Variants in MAP7 observed in about 807,000 individuals in gnomAD.
MAP7 encodes the protein ensconsin.
Under a neutral mutation model 94.8 loss-of-function variants are expected in MAP7, and 52 were observed. The observed-to-expected ratio is 0.55, with a 90% CI of 0.44 to 0.69. The LOEUF (loss-of-function observed/expected upper bound fraction) is 0.69, where lower values mean the gene tolerates loss of function less well. MAP7 is among the 30% of genes least tolerant of loss of function. The pLI is 0.00. For synonymous variants in MAP7, 350 were observed against 357.0 expected (o/e 0.98, Z 0.22); for missense variants, 940 against 964.6 (o/e 0.97, Z 0.34).
intron 2 of MAP7, among the ~76,000 whole-genome samples, chr6:136,412,544 C>T (rs1392205088): frequency 6.6e-6 from 1 of 152,056 alleles, no homozygotes; most frequent in Admixed American, 6.5e-5. Context: ...TTAGATGGAG[C>T]CCAAGGAAGG....
Position 136,374,450 on chromosome 6 carries a change from C to T in MAP7, c.752-1825G>A, listed in dbSNP as rs1460400926. Among the ~76,000 whole-genome samples, 6 of 152,324 alleles carry T rather than the reference C, an allele frequency of 3.9e-5. No individual in the cohort carries two copies. The East Asian group carries it at 7.7e-4, about 20-fold the overall frequency. Reference sequence around the variant, plus strand: ...ATTAATAACCGGGGGCAGAGGCACGCACTGCTCAGGGCACAGCCGGAGGCC... The same window carrying T: ...ATTAATAACCGGGGGCAGAGGCACGTACTGCTCAGGGCACAGCCGGAGGCC... On this transcript the variant is annotated intron_variant, in intron 7 of 17. Coordinates refer to ENST00000354570, the MANE Select transcript of MAP7 (RefSeq NM_003980.6).
chr6:136,415,577 G>A (rs1052863500), intron 2 of MAP7, among the ~76,000 whole-genome samples: 1 of 152,156 alleles, frequency 6.6e-6, no homozygotes. Flanking sequence ...ATTGTGCAAC[G>A]TAATGCTTCC....
chr6:136,464,671 A>G (rs1018680437), intron 1 of MAP7, among the ~76,000 whole-genome samples: 1 of 152,262 alleles, frequency 6.6e-6, no homozygotes, highest in African/African-American at 2.4e-5. Flanking sequence ...GATTTTATAT[A>G]AAACCATATC....
At chr6:136,515,634 G>C (rs563692953) in intron 1 of MAP7, among the ~76,000 whole-genome samples, 2 of 152,338 alleles carry the variant, frequency 1.3e-5, no homozygotes, top group South Asian at 4.1e-4. Flanking sequence ...GAGAGGGAGA[G>C]AGACAGAAAT....
chr6:136,367,885 T>TG (rs1794721088), intron 8 of MAP7, among the ~76,000 whole-genome samples: 1 of 151,090 alleles, frequency 6.6e-6, no homozygotes, highest in Non-Finnish European at 1.5e-5. Flanking sequence ...GCCCTTCTTT[T>TG]TTTTTCTTTT....
intron 16 of MAP7, among the ~76,000 whole-genome samples, chr6:136,348,409 C>T (rs1406851538): frequency 6.6e-6 from 1 of 152,142 alleles, no homozygotes; most frequent in Non-Finnish European, 1.5e-5. Flanking sequence ...GTTCAGGGGA[C>T]ATCGGGACTG....
At chr6:136,404,340 A>C (rs1419168475) in intron 3 of MAP7, among the ~76,000 whole-genome samples, 1 of 152,090 alleles carries the variant, frequency 6.6e-6, no homozygotes, top group Non-Finnish European at 1.5e-5. Context: ...AAAAAAAAAG[A>C]AGCACAGCAA....
intron 3 of MAP7, among the ~76,000 whole-genome samples, chr6:136,392,611 G>A (rs7747443): frequency 0.74 from 112,773 of 151,904 alleles, 42,889 homozygotes; most frequent in Middle Eastern, 0.85. Context: ...ATGTGCTGTC[G>A]TAAATCCCTA....
At chr6:136,390,470 T>C (rs1780387227) in intron 3 of MAP7, among the ~76,000 whole-genome samples, 1 of 152,080 alleles carries the variant, frequency 6.6e-6, no homozygotes, top group African/African-American at 2.4e-5. Flanking sequence ...CTGGCCAACA[T>C]AGTGAAACAA....
chr6:136,363,324 T>C lies in MAP7; in HGVS notation c.1274-622A>G, dbSNP rs893681523. Among the ~76,000 whole-genome samples, 6 of 152,358 alleles carry C rather than the reference T, an allele frequency of 3.9e-5. 1 individual carries two copies. The South Asian group carries it at 1.0e-3, about 26-fold the overall frequency. Reference sequence around the variant, plus strand: ...CTGGCCTTACTCGGATTTAGGAAGATGACCTAGAGAGCTGGTGCCCCAGAA... The same window carrying C: ...CTGGCCTTACTCGGATTTAGGAAGACGACCTAGAGAGCTGGTGCCCCAGAA... On this transcript the variant is annotated intron_variant, in intron 10 of 17. Transcript: ENST00000354570.
Position 136,464,661 on chromosome 6 carries a change from G to A in MAP7, c.68-42862C>T, listed in dbSNP as rs531526603. On this transcript the variant is annotated intron_variant, in intron 1 of 17. Coordinates refer to ENST00000354570, the MANE Select transcript of MAP7 (RefSeq NM_003980.6). ...CATGTTCCACTGCAGTGAGACTCCT[G>A]ATTTTATATAAAACCATATCTTTTT... Among the ~76,000 whole-genome samples the A allele has an allele frequency of 1.4e-4, 21 of 152,302 alleles. No homozygotes were observed. The East Asian group carries it at 1.9e-3, about 14-fold the overall frequency.
intron 2 of MAP7, among the ~76,000 whole-genome samples, chr6:136,421,239 C>T (rs1329215162): frequency 6.6e-6 from 1 of 152,186 alleles, no homozygotes; most frequent in Non-Finnish European, 1.5e-5. Context: ...TCTATACAAG[C>T]TTTGCTATGT....
At chr6:136,406,323 T>C (rs1004666087) in intron 3 of MAP7, among the ~76,000 whole-genome samples, 2 of 152,206 alleles carry the variant, frequency 1.3e-5, no homozygotes, top group African/African-American at 4.8e-5. Context: ...ATAGCACCTA[T>C]GCATCTTATG....
chr6:136,472,667 G>A (rs1809434250), intron 1 of MAP7, among the ~76,000 whole-genome samples: 1 of 152,042 alleles, frequency 6.6e-6, no homozygotes, highest in East Asian at 1.9e-4. Context: ...AAGGAAAAAA[G>A]TCAAGTCTAA....
chr6:136,354,615 T>C (rs940312707), intron 16 of MAP7, among the ~76,000 whole-genome samples: 1 of 151,680 alleles, frequency 6.6e-6, no homozygotes, highest in African/African-American at 2.4e-5. Flanking sequence ...CAGGTGAAAG[T>C]AGAAAAAGGC....
chr6:136,372,027 AG>A (rs1274510487), intron 8 of MAP7, among the ~76,000 whole-genome samples: 1 of 152,220 alleles, frequency 6.6e-6, no homozygotes, highest in African/African-American at 2.4e-5. Context: ...GGGCCTTGAC[AG>A]GGATTAGCCA....
chr6:136,360,639 C>A, intron 13 of MAP7, 58 bp downstream of exon 13: 1 of 1,494,742 alleles, frequency 6.7e-7, no homozygotes, highest in Non-Finnish European at 9.3e-7. Flanking sequence ...CAGGGCTAGT[C>A]TCTGGGTCTT....
At chr6:136,516,603 TGGC>T (rs1486411871) in intron 1 of MAP7, among the ~76,000 whole-genome samples, 2 of 152,330 alleles carry the variant, frequency 1.3e-5, no homozygotes, top group Non-Finnish European at 2.9e-5. Flanking sequence ...ACAGATCCGC[TGGC>T]ATATATATGT....
chr6:136,433,062 A>G (rs1317873357), intron 1 of MAP7, among the ~76,000 whole-genome samples: 2 of 152,286 alleles, frequency 1.3e-5, no homozygotes, highest in East Asian at 3.9e-4. Context: ...TGTCTATTAC[A>G]TGGTTAGGAA....
Sources: allele counts gnomAD v4.1 joint callset (sites outside exome capture counted in the v4.1 genomes callset), GRCh38; gene constraint gnomAD v4.1.1; transcripts MANE v1.5; gene names NCBI Gene and HGNC (gene_info 2026-07-23, HGNC 2026-07-21).